PRKN: variants seen among roughly 807,000 people sequenced by gnomAD.
PRKN encodes the protein parkin RBR E3 ubiquitin protein ligase.
A neutral mutation model predicts 59.5 loss-of-function variants in PRKN; 56 were observed. The observed-to-expected ratio is 0.94, with a 90% CI of 0.76 to 1.18. The LOEUF is 1.18. PRKN is among the 50% of genes most tolerant of loss of function. The pLI is 0.00. For synonymous variants in PRKN, 250 were observed against 222.1 expected, an observed-to-expected ratio of 1.13 and a Z score of -1.12; for missense variants, 657 against 596.4, an observed-to-expected ratio of 1.10 and a Z score of -1.06.
Position 161,377,363 on chromosome 6 carries a change from T to C in PRKN, c.1167+9431A>G, listed in dbSNP as rs757765004. ...CCCCCGTGCCATCCACACCGTGGCA[T>C]GACTGCCTCTCCTTGGGCTCACAAC... is the stretch of plus-strand genomic sequence containing the variant. On this transcript the variant is annotated intron_variant, in intron 10 of 11. Coordinates refer to ENST00000366898, the MANE Select transcript of PRKN (RefSeq NM_004562.3). This position sits in a 1 kb window ranked among gnomAD's most constrained non-coding sequence, Gnocchi z 4.2. 1.4e-4 allele frequency among the ~76,000 whole-genome samples: 21 copies of C among 152,356 alleles called. No homozygotes were observed. The highest frequency in any genetic ancestry group is 2.1e-4 in the Non-Finnish European group (14 of 68,034).
chr6:162,412,183 A>C (rs12333092), intron 2 of PRKN, among the ~76,000 whole-genome samples: 3,428 of 152,266 alleles, frequency 0.023, 124 homozygotes, highest in African/African-American at 0.079. Flanking sequence ...TACTGCCATA[A>C]TATTGGAACG....
At chr6:161,984,303 ACT>A (rs1412987381) in intron 5 of PRKN, among the ~76,000 whole-genome samples, 1 of 152,046 alleles carries the variant, frequency 6.6e-6, no homozygotes, top group Non-Finnish European at 1.5e-5. Context: ...TGTTGCCCAG[ACT>A]GGAGTGCAGA....
intron 9 of PRKN, among the ~76,000 whole-genome samples, chr6:161,434,997 T>A (rs1484782890): frequency 6.6e-6 from 1 of 152,184 alleles, no homozygotes; most frequent in East Asian, 1.9e-4. Flanking sequence ...TGAAAGCCTT[T>A]GCCCGGCATG....
intron 4 of PRKN, among the ~76,000 whole-genome samples, chr6:162,165,285 G>A (rs1458405536): frequency 2.7e-5 from 4 of 148,948 alleles, no homozygotes; most frequent in Non-Finnish European, 4.5e-5. Flanking sequence ...TTCTTTGACA[G>A]GTTAGAGACC....
chr6:162,418,305 A>G (rs936606928), intron 2 of PRKN, among the ~76,000 whole-genome samples: 2 of 152,174 alleles, frequency 1.3e-5, no homozygotes, highest in African/African-American at 2.4e-5. Flanking sequence ...ACAATAGACA[A>G]ATCCACAGAA....
chr6:162,591,900 A>G (rs1333629811), intron 1 of PRKN, among the ~76,000 whole-genome samples: 1 of 152,088 alleles, frequency 6.6e-6, no homozygotes, highest in Non-Finnish European at 1.5e-5. Flanking sequence ...TAGAAAAAAA[A>G]AAAAAGGCAT....
Position 162,297,174 on chromosome 6 carries a change from C to CTTTTTTTTT in PRKN, c.172-34418_172-34410dup, listed in dbSNP as rs10681721. On this transcript the variant is annotated intron_variant, in intron 2 of 11. Coordinates refer to ENST00000366898, the MANE Select transcript of PRKN (RefSeq NM_004562.3). Reference sequence around the variant, plus strand: ...AATCAGATTCTAGAATTTTTCTTTTCTTTTTTTTTTTTTTTGTAAGCATCT... The same window carrying CTTTTTTTTT: ...AATCAGATTCTAGAATTTTTCTTTTCTTTTTTTTTTTTTTTTTTTTTTTTGTAAGCATCT... Among the ~76,000 whole-genome samples the CTTTTTTTTT allele has an allele frequency of 1.3e-4, 18 of 139,328 alleles. 1 individual carries two copies. The highest frequency in any genetic ancestry group is 7.4e-3 in the Middle Eastern group (2 of 272). 91.4% of individuals were successfully genotyped at this position (139,328 alleles called of 152,430 possible). A position where few individuals can be genotyped will look rare whatever the true frequency, so the allele number is the denominator to read the frequency against.
chr6:161,520,056 C>T (rs184659663), intron 9 of PRKN, among the ~76,000 whole-genome samples: 2 of 152,190 alleles, frequency 1.3e-5, no homozygotes, highest in Non-Finnish European at 2.9e-5. Context: ...ACAGCCTCAC[C>T]AGTAGAGATT....
rs925294350 is a variant in PRKN at position 161,378,870 on chromosome 6, G to A, written c.1167+7924C>T. 3.3e-5 allele frequency among the ~76,000 whole-genome samples: 5 copies of A among 152,278 alleles called. No individual in the cohort carries two copies. Among genetic ancestry groups the A allele is most frequent in the South Asian group, 2.1e-4 (1 of 4,826 alleles). ...GGAATCAAGGGGTGGAAGTAGGGAC[G>A]GCCCCACTTCTCACTCCCAGTGGTC... On this transcript the variant is annotated intron_variant, in intron 10 of 11. Coordinates refer to ENST00000366898, the MANE Select transcript of PRKN (RefSeq NM_004562.3). This position sits in a 1 kb window ranked among gnomAD's most constrained non-coding sequence, Gnocchi z 7.3.
At chr6:161,939,534 C>G (rs923539538) in intron 6 of PRKN, among the ~76,000 whole-genome samples, 4 of 151,124 alleles carry the variant, frequency 2.6e-5, no homozygotes, top group Non-Finnish European at 5.9e-5. Context: ...GAGTTCAAGA[C>G]CAGCCTGGCC....
At chr6:162,401,862 T>G (rs904864151) in intron 2 of PRKN, among the ~76,000 whole-genome samples, 2 of 152,180 alleles carry the variant, frequency 1.3e-5, no homozygotes, top group South Asian at 4.1e-4. Flanking sequence ...GGAAATCTCA[T>G]CAGACCAATT....
intron 4 of PRKN, among the ~76,000 whole-genome samples, chr6:162,199,750 A>C (rs1416762651): frequency 6.6e-6 from 1 of 152,152 alleles, no homozygotes; most frequent in African/African-American, 2.4e-5. Flanking sequence ...TGAAATGTTC[A>C]TCAAAGTGAA....
chr6:161,613,132 T>C lies in PRKN; in HGVS notation c.872-43716A>G, dbSNP rs560838945. Among the ~76,000 whole-genome samples the C allele has an allele frequency of 9.8e-5, 15 of 152,306 alleles. No individual in the cohort carries two copies. In the East Asian group the frequency reaches 2.9e-3, roughly 29 times the overall value. ...CCATTCTAGATGCCATTAAGAACAT[T>C]CATGATTTGTAGAAGGTCAAAATAT... On this transcript the variant is annotated intron_variant, in intron 7 of 11. Transcript: ENST00000366898.
intron 2 of PRKN, among the ~76,000 whole-genome samples, chr6:162,331,105 G>A (rs75948468): frequency 6.6e-6 from 1 of 151,676 alleles, no homozygotes; most frequent in Admixed American, 6.6e-5. Flanking sequence ...AAGGCAGGCC[G>A]ATCACTTGAG....
intron 7 of PRKN, among the ~76,000 whole-genome samples, chr6:161,744,958 T>C (rs191118885): frequency 1.3e-5 from 2 of 152,306 alleles, no homozygotes; most frequent in Non-Finnish European, 2.9e-5. Flanking sequence ...AGGTCAATAT[T>C]AGCGTTATGT....
intron 7 of PRKN, among the ~76,000 whole-genome samples, chr6:161,668,205 C>A (rs1227581336): frequency 6.7e-6 from 1 of 149,732 alleles, no homozygotes; most frequent in Admixed American, 6.7e-5. Flanking sequence ...CTGTTAGAGA[C>A]CTTTAGCCCA....
At chr6:161,874,998 A>AATATT (rs1562356770) in intron 6 of PRKN, among the ~76,000 whole-genome samples, 10 of 92,340 alleles carry the variant, frequency 1.1e-4, no homozygotes, top group Non-Finnish European at 1.8e-4. Flanking sequence ...CTTTATATAT[A>AATATT]ATATATTATA....
intron 1 of PRKN, among the ~76,000 whole-genome samples, chr6:162,687,179 C>A (rs935066520): frequency 2.7e-5 from 4 of 146,444 alleles, no homozygotes; most frequent in Non-Finnish European, 4.5e-5. Context: ...GTTAAAAGAG[C>A]CTCTTTTTCT....
rs189257769 is a variant in PRKN, at chr6:161,434,450, G to A, written c.1084-47573C>T. 1.4e-3 allele frequency among the ~76,000 whole-genome samples: 219 copies of A among 152,234 alleles called. 1 individual carries two copies. Among genetic ancestry groups the A allele is most frequent in the Non-Finnish European group, 2.3e-3 (155 of 68,008 alleles). ...AGTTTCTGCTTTGCACCCAGACTCC[G>A]TCTTCATGAAGCCAGAGCCGCCCAA... On this transcript the variant is annotated intron_variant, in intron 9 of 11. Transcript: ENST00000366898.
Sources: allele counts gnomAD v4.1 joint callset (sites outside exome capture counted in the v4.1 genomes callset), GRCh38; gene constraint gnomAD v4.1.1; non-coding constraint Gnocchi (gnomAD v3.1); transcripts MANE v1.5; gene names NCBI Gene and HGNC (gene_info 2026-07-23, HGNC 2026-07-21).